PSMB7: variants seen among roughly 807,000 people sequenced by gnomAD.
PSMB7 encodes the protein proteasome subunit beta type-7.
PSMB7 carries 5 observed loss-of-function variants against 28.1 expected under a neutral mutation model. That is an observed-to-expected ratio of 0.18 (90% CI 0.09 to 0.37). The LOEUF is 0.37. PSMB7 is among the 10% of genes least tolerant of loss of function. The pLI is 1.00. For synonymous variants in PSMB7, 122 were observed against 123.7 expected (o/e 0.99, Z 0.09); for missense variants, 275 against 346.2 (o/e 0.79, Z 1.63).
rs1336937051 is a variant in PSMB7, at chr9:124,356,582, G to A, written c.722+182C>T. On this transcript the variant is annotated intron_variant, in intron 7 of 7. Coordinates refer to ENST00000259457, the MANE Select transcript of PSMB7 (RefSeq NM_002799.4). The surrounding 1 kb of genome is among the most constrained non-coding windows in gnomAD (Gnocchi z 4.4). ...CAAATTAAATCACTTTCCTACACCTGACAGCAGCCCACTGTCATAAAGCAA... is the reference window on the plus strand; with the variant it reads ...CAAATTAAATCACTTTCCTACACCTAACAGCAGCCCACTGTCATAAAGCAA... 6.6e-6 allele frequency among the ~76,000 whole-genome samples: 1 copy of A among 152,148 alleles called. No homozygotes were observed. The highest frequency in any genetic ancestry group is 1.9e-4 in the East Asian group (1 of 5,198).
At chr9:124,415,274 T>C in intron 1 of PSMB7, 90 bp downstream of exon 1, 1 of 1,358,206 alleles carries the variant, frequency 7.4e-7, no homozygotes, top group Non-Finnish European at 1.0e-6. Flanking sequence ...AATTCTTCCC[T>C]CAGAATTCTC....
chr9:124,383,798 T>C (rs1008756666), intron 6 of PSMB7: 3 of 152,068 alleles, frequency 2.0e-5, no homozygotes, highest in African/African-American at 7.3e-5. Context: ...ATACTCCCCA[T>C]CAAAAAATTA....
rs148900720 is a variant in PSMB7, at chr9:124,356,778, G to T, written c.708C>A (p.Asn236Lys). 6.2e-6 allele frequency: 10 copies of T among 1,613,230 alleles called. No homozygotes were observed. Among genetic ancestry groups the T allele is most frequent in the East Asian group, 2.2e-5 (1 of 44,866 alleles). ...CCTTCACTCACCTGGTCCCCTTCTTGTTGGGCACTGTGTATGGGCGGAGAA... is the reference window on the plus strand; with the variant it reads ...CCTTCACTCACCTGGTCCCCTTCTTTTTGGGCACTGTGTATGGGCGGAGAA... The part of the protein sequence containing the change: ...LDFLRPYTVP[N>K]KKGTRLGRYR... The change falls in exon 7 of 8, where the codon AAC (asparagine) becomes AAA (lysine). Residue 236 changes from asparagine (N) to lysine (K), a missense_variant. Physicochemically the swap from Asn to Lys is moderately conservative, Grantham distance 94. Transcript: ENST00000259457. The surrounding 1 kb of genome is among the most constrained non-coding windows in gnomAD (Gnocchi z 4.4).
At chr9:124,407,128 G>A (rs1202878185) in intron 4 of PSMB7, among the ~76,000 whole-genome samples, 1 of 152,156 alleles carries the variant, frequency 6.6e-6, no homozygotes, top group Non-Finnish European at 1.5e-5. Flanking sequence ...CTTTGGGAAG[G>A]AAAACAAAAC....
intron 5 of PSMB7, among the ~76,000 whole-genome samples, chr9:124,391,813 T>C (rs1830790304): frequency 6.6e-6 from 1 of 151,402 alleles, no homozygotes; most frequent in African/African-American, 2.4e-5. Flanking sequence ...TTGCTTTTAC[T>C]TGTTCTGTAC....
At chr9:124,397,793 C>G (rs1319394644) in intron 5 of PSMB7, among the ~76,000 whole-genome samples, 1 of 152,188 alleles carries the variant, frequency 6.6e-6, no homozygotes, top group Non-Finnish European at 1.5e-5. Context: ...TCCATGGAGG[C>G]ATTTCATTTA....
intron 3 of PSMB7, among the ~76,000 whole-genome samples, chr9:124,413,181 A>C (rs1405448246): frequency 1.3e-5 from 2 of 149,588 alleles, no homozygotes; most frequent in Non-Finnish European, 3.0e-5. Context: ...AAAAAGAACG[A>C]AAAAAATGTT....
chr9:124,356,079 C>T lies in PSMB7; in HGVS notation c.722+685G>A, dbSNP rs1456826172. 2.0e-5 allele frequency among the ~76,000 whole-genome samples: 3 copies of T among 152,148 alleles called. No individual in the cohort carries two copies. Among genetic ancestry groups the T allele is most frequent in the Non-Finnish European group, 4.4e-5 (3 of 68,042 alleles). ...GGGAGCCCATCCTGACCTGCCCGGG[C>T]TCCCAGAAGAGGTCAGGAGCCACAG... On this transcript the variant is annotated intron_variant, in intron 7 of 7. Coordinates refer to ENST00000259457, the MANE Select transcript of PSMB7 (RefSeq NM_002799.4). This position sits in a 1 kb window ranked among gnomAD's most constrained non-coding sequence, Gnocchi z 4.4.
chr9:124,374,275 A>G (rs1221839280), intron 6 of PSMB7, among the ~76,000 whole-genome samples: 1 of 152,164 alleles, frequency 6.6e-6, no homozygotes, highest in Non-Finnish European at 1.5e-5. Context: ...TGGAGTTATT[A>G]TTTTTTTAAG....
At chr9:124,363,702 CT>C (rs994915281) in intron 6 of PSMB7, among the ~76,000 whole-genome samples, 3 of 151,274 alleles carry the variant, frequency 2.0e-5, no homozygotes, top group South Asian at 2.1e-4. Flanking sequence ...TCCTTGATAG[CT>C]TTTTTTTTGG....
chr9:124,386,041 T>C (rs1030816017), intron 5 of PSMB7, among the ~76,000 whole-genome samples: 2 of 151,580 alleles, frequency 1.3e-5, no homozygotes, highest in African/African-American at 2.4e-5. Context: ...TCTAAAGCCA[T>C]AGGAAGCGTC....
intron 6 of PSMB7, among the ~76,000 whole-genome samples, chr9:124,362,316 G>A (rs1000063063): frequency 6.6e-6 from 1 of 152,176 alleles, no homozygotes; most frequent in African/African-American, 2.4e-5. Flanking sequence ...TTTTCCTGAG[G>A]AACAGGGCTC....
intron 6 of PSMB7, among the ~76,000 whole-genome samples, chr9:124,371,655 T>C (rs143865998): frequency 1.3e-5 from 2 of 152,376 alleles, no homozygotes; most frequent in East Asian, 1.9e-4. Context: ...TTAGTGCTTA[T>C]TATGTACCTG....
chr9:124,358,312 C>T (rs1391415310), intron 6 of PSMB7, among the ~76,000 whole-genome samples: 1 of 152,198 alleles, frequency 6.6e-6, no homozygotes, highest in African/African-American at 2.4e-5. Flanking sequence ...CTCAGAAGGA[C>T]AGAGAAGGTT....
chr9:124,414,764 G>C, intron 2 of PSMB7, 78 bp downstream of exon 2: 1 of 1,238,044 alleles, frequency 8.1e-7, no homozygotes, highest in Non-Finnish European at 1.2e-6. Flanking sequence ...GACCGAGCCG[G>C]GAGAGACACC....
intron 6 of PSMB7, among the ~76,000 whole-genome samples, chr9:124,369,653 C>A (rs1057173607): frequency 6.6e-6 from 1 of 152,192 alleles, no homozygotes; most frequent in Non-Finnish European, 1.5e-5. Context: ...TGCCATTTCC[C>A]TTCCCAGCTG....
intron 6 of PSMB7, among the ~76,000 whole-genome samples, chr9:124,382,200 CT>C (rs1164339420): frequency 0.043 from 2,426 of 55,890 alleles, 36 homozygotes; most frequent in East Asian, 0.27. Flanking sequence ...TCTCTTTTCT[CT>C]TTTTTTTTTT....
intron 6 of PSMB7, among the ~76,000 whole-genome samples, chr9:124,362,288 CAA>C (rs1244177790): frequency 4.6e-5 from 7 of 152,248 alleles, no homozygotes; most frequent in East Asian, 3.9e-4. Context: ...GGGCAGAAAA[CAA>C]AGAGATACTC....
At chr9:124,402,778 G>A (rs758547572) in intron 5 of PSMB7, among the ~76,000 whole-genome samples, 2 of 152,092 alleles carry the variant, frequency 1.3e-5, no homozygotes, top group African/African-American at 2.4e-5. Flanking sequence ...TATCAGATGG[G>A]GAGAAATAAA....
Sources: gnomAD v4.1 joint callset for allele counts (sites outside exome capture counted in the v4.1 genomes callset) on GRCh38, gnomAD v4.1.1 for gene constraint, Gnocchi (gnomAD v3.1) non-coding constraint, MANE v1.5 for transcripts, NCBI Gene and HGNC (gene_info 2026-07-23, HGNC 2026-07-21) for gene names.